QKI: variants seen among roughly 807,000 people sequenced by gnomAD.
QKI encodes KH domain-containing RNA-binding protein QKI.
QKI carries 10 observed loss-of-function variants against 39.0 expected under a neutral mutation model. The ratio of observed to expected loss-of-function variants is 0.26; its 90% CI spans 0.16 to 0.43. QKI has a LOEUF of 0.43. QKI is among the 20% of genes least tolerant of loss of function. The probability of loss-of-function intolerance (pLI) is 1.00; values close to 1 mark genes in which losing one functional copy is unlikely to be tolerated. For synonymous variants in QKI, 204 were observed against 155.4 expected (o/e 1.31, Z -2.33); for missense variants, 218 against 428.0 (o/e 0.51, Z 4.33).
intron 3 of QKI, among the ~76,000 whole-genome samples, chr6:163,494,456 TAACCC>T (rs745592253): frequency 6.6e-5 from 10 of 152,228 alleles, no homozygotes; most frequent in Non-Finnish European, 1.0e-4. Context: ...AACTTATGTG[TAACCC>T]TCAAATCATT....
At chr6:163,416,017 G>A (rs1407090607) in intron 1 of QKI, 2 of 434,244 alleles carry the variant, frequency 4.6e-6, no homozygotes, top group East Asian at 7.5e-5. Context: ...TTGGGGAAGC[G>A]AGAACTGTTA....
intron 1 of QKI, among the ~76,000 whole-genome samples, chr6:163,445,304 T>C (rs1040370201): frequency 2.0e-5 from 3 of 152,200 alleles, no homozygotes; most frequent in African/African-American, 7.2e-5. Context: ...CTGTTGGTTT[T>C]TCTGGTCCAG....
rs542264839 is a variant in QKI, at chr6:163,476,702, T to C, written c.286-2078T>C. 5.3e-5 allele frequency among the ~76,000 whole-genome samples: 8 copies of C among 152,290 alleles called. 1 individual carries two copies. The South Asian group carries it at 1.5e-3, about 28-fold the overall frequency. On this transcript the variant is annotated intron_variant, in intron 2 of 7. Transcript: ENST00000361752. Reference sequence around the variant, plus strand: ...CATTCTTGTTTTCTGCAAAACTCAGTGTGTGAGTGTCCAGTCTCTCTGGAG... The same window carrying C: ...CATTCTTGTTTTCTGCAAAACTCAGCGTGTGAGTGTCCAGTCTCTCTGGAG...
chr6:163,495,137 A>G (rs1217931233), intron 3 of QKI, among the ~76,000 whole-genome samples: 2 of 151,916 alleles, frequency 1.3e-5, no homozygotes, highest in Admixed American at 6.6e-5. Context: ...CTGGTCTCGA[A>G]CTCCTGACCT....
chr6:163,457,486 C>T (rs893339620), intron 2 of QKI: 16 of 455,658 alleles, frequency 3.5e-5, no homozygotes, highest in Admixed American at 7.1e-5. Flanking sequence ...ACCATAGTAT[C>T]TACGCTTTCT....
chr6:163,503,069 T>C (rs1393671093), intron 3 of QKI, among the ~76,000 whole-genome samples: 1 of 152,078 alleles, frequency 6.6e-6, no homozygotes, highest in African/African-American at 2.4e-5. Context: ...TATCTAATTG[T>C]GGTTTTTATT....
chr6:163,415,821 C>T (rs1281244657), intron 1 of QKI: 6 of 456,276 alleles, frequency 1.3e-5, no homozygotes, highest in Middle Eastern at 3.8e-4. Context: ...CGTTCGGGAG[C>T]TCTCCCCTCC....
At chr6:163,508,295 G>A (rs893429214) in intron 3 of QKI, among the ~76,000 whole-genome samples, 1 of 152,012 alleles carries the variant, frequency 6.6e-6, no homozygotes, top group Non-Finnish European at 1.5e-5. Flanking sequence ...TTAAGAAACA[G>A]CAAGTAGAAT....
At chr6:163,468,359 A>G (rs1220354301) in intron 2 of QKI, among the ~76,000 whole-genome samples, 1 of 152,210 alleles carries the variant, frequency 6.6e-6, no homozygotes, top group Non-Finnish European at 1.5e-5. Context: ...TTTTAGGCAC[A>G]GATTACACTT....
chr6:163,523,316 G>T (rs2128238185), intron 3 of QKI, among the ~76,000 whole-genome samples: 1 of 152,304 alleles, frequency 6.6e-6, no homozygotes, highest in Non-Finnish European at 1.5e-5. Context: ...CATGTGGAAT[G>T]CACGAGAAAG....
At chr6:163,544,267 G>C (rs1429121178) in intron 4 of QKI, among the ~76,000 whole-genome samples, 2 of 152,022 alleles carry the variant, frequency 1.3e-5, no homozygotes, top group Admixed American at 6.6e-5. Flanking sequence ...ATAATCTAGA[G>C]ATGATTTAAA....
chr6:163,488,329 C>CAAA (rs1278631126), intron 3 of QKI, among the ~76,000 whole-genome samples: 1 of 146,688 alleles, frequency 6.8e-6, no homozygotes, highest in South Asian at 2.1e-4. Flanking sequence ...CAAAAAGTGA[C>CAAA]AAAAAAAAAG....
intron 6 of QKI, 82 bp from the exon 7 acceptor site, chr6:163,566,639 A>G (rs1382854343): frequency 1.9e-6 from 3 of 1,564,236 alleles, no homozygotes; most frequent in South Asian, 1.2e-5. Context: ...TTTGAAATCC[A>G]TTTTGATAAA....
rs528030511 is a variant in QKI at position 163,529,677 on chromosome 6, C to G, written c.403-5305C>G. Among the ~76,000 whole-genome samples the G allele has an allele frequency of 3.9e-5, 6 of 152,200 alleles. No homozygotes were observed. The South Asian group carries it at 1.2e-3, about 32-fold the overall frequency. ...CAGCATGGAGTAAATCTGAGCCTAT[C>G]GTGGGAAGTGAATGAACACGGCACT... is the stretch of plus-strand genomic sequence containing the variant. On this transcript the variant is annotated intron_variant, in intron 3 of 7. Coordinates refer to ENST00000361752, the MANE Select transcript of QKI (RefSeq NM_006775.3).
intron 3 of QKI, among the ~76,000 whole-genome samples, chr6:163,479,373 C>CT (rs1299685312): frequency 2.0e-5 from 3 of 151,924 alleles, no homozygotes; most frequent in Non-Finnish European, 4.4e-5. Context: ...TTTCTTTTTT[C>CT]TTTGTTTGTT....
intron 3 of QKI, among the ~76,000 whole-genome samples, chr6:163,503,469 C>T (rs1434655831): frequency 1.4e-5 from 2 of 146,788 alleles, no homozygotes; most frequent in African/African-American, 2.5e-5. Context: ...AGATATTAGA[C>T]CCTTGTTGGA....
intron 2 of QKI, among the ~76,000 whole-genome samples, chr6:163,475,242 A>G (rs1331772014): frequency 2.0e-5 from 3 of 152,194 alleles, no homozygotes; most frequent in South Asian, 2.1e-4. Context: ...AGCTGTTTGT[A>G]TCCTCAGGTT....
At chr6:163,507,369 G>A (rs1032663237) in intron 3 of QKI, among the ~76,000 whole-genome samples, 8 of 152,248 alleles carry the variant, frequency 5.3e-5, no homozygotes, top group East Asian at 1.9e-4. Flanking sequence ...AAATATGCAC[G>A]ATAAAAACCA....
intron 3 of QKI, among the ~76,000 whole-genome samples, chr6:163,517,705 A>G (rs2128236780): frequency 6.6e-6 from 1 of 152,328 alleles, no homozygotes; most frequent in Admixed American, 6.5e-5. Context: ...AACTGGAAAC[A>G]TACAAGAAAT....
Sources: allele counts gnomAD v4.1 joint callset (sites outside exome capture counted in the v4.1 genomes callset), GRCh38; gene constraint gnomAD v4.1.1; transcripts MANE v1.5; gene names NCBI Gene and HGNC (gene_info 2026-07-23, HGNC 2026-07-21).